Variants in HPRT1 observed in about 807,000 individuals in gnomAD.
HPRT1 encodes the protein hypoxanthine-guanine phosphoribosyltransferase.
A neutral mutation model predicts 19.0 loss-of-function variants in HPRT1; 4 were observed. The ratio of observed to expected loss-of-function variants is 0.21; its 90% CI spans 0.10 to 0.48. The LOEUF (loss-of-function observed/expected upper bound fraction) is 0.48. HPRT1 is among the 20% of genes least tolerant of loss of function. HPRT1 has a pLI of 0.98. For synonymous variants in HPRT1, 53 were observed against 54.9 expected (o/e 0.97, Z 0.15); for missense variants, 65 against 164.0 (o/e 0.40, Z 3.30).
intron 3 of HPRT1, among the ~76,000 whole-genome samples, chrX:134,483,839 G>A (rs1378427535): frequency 1.8e-5 from 2 of 111,651 alleles, no homozygotes; most frequent in African/African-American, 6.5e-5. Flanking sequence ...TTCTTTATTA[G>A]CTTCCATGGT....
At chrX:134,461,915 A>G (rs2077585203) in intron 1 of HPRT1, among the ~76,000 whole-genome samples, 1 of 112,189 alleles carries the variant, frequency 8.9e-6, no homozygotes, top group Admixed American at 9.4e-5. Flanking sequence ...GTTTTTATTC[A>G]GTTGCTGAGG....
At chrX:134,475,732 A>G (rs1379791018) in intron 3 of HPRT1, among the ~76,000 whole-genome samples, 1 of 111,640 alleles carries the variant, frequency 9.0e-6, no homozygotes, top group Non-Finnish European at 1.9e-5. Flanking sequence ...GTGGGTTAAC[A>G]CTTGTTTCCT....
rs1044930098 is a variant in HPRT1 at position 134,460,332 on chromosome X, C to A, written c.21C>A (p.Gly7=). 9 of 1,124,829 alleles carry A rather than the reference C, an allele frequency of 8.0e-6. 1 individual carries two copies. The African/African-American group carries it at 1.7e-4, about 21-fold the overall frequency. The allele number at this position is 1,124,829 out of a possible 1,213,427, so 92.7% of individuals were successfully genotyped here. A position where few individuals can be genotyped will look rare whatever the true frequency, so the allele number is the denominator to read the frequency against. MATRSP[G]VVISDDEPGY... Reference sequence around the variant, plus strand: ...CCGTTATGGCGACCCGCAGCCCTGGCGTCGTGGTGAGCAGCTCGGCCTGCC... The same window carrying A: ...CCGTTATGGCGACCCGCAGCCCTGGAGTCGTGGTGAGCAGCTCGGCCTGCC... Residue 7 remains glycine, a synonymous_variant, in exon 1 of 9, where the codon GGC becomes GGA. Coordinates refer to ENST00000298556, the MANE Select transcript of HPRT1 (RefSeq NM_000194.3).
At chrX:134,465,195 A>G (rs2077593920) in intron 1 of HPRT1, among the ~76,000 whole-genome samples, 2 of 109,162 alleles carry the variant, frequency 1.8e-5, no homozygotes, top group Non-Finnish European at 3.8e-5. Flanking sequence ...GAGCCACCGC[A>G]TCTGGCCAAC....
intron 1 of HPRT1, among the ~76,000 whole-genome samples, chrX:134,464,237 A>G (rs898854520): frequency 3.6e-5 from 4 of 112,243 alleles, no homozygotes; most frequent in African/African-American, 1.3e-4. Flanking sequence ...CAAGTTATAT[A>G]TGTAGTTTAT....
chrX:134,486,464 G>A lies in HPRT1; in HGVS notation c.319-1G>A. The stretch of plus-strand genomic sequence containing the variant: ...ATATAGTTTTTTTTTTTTTTAACTA[G>A]AATGACCAGTCAACAGGGGACATAA... On this transcript the variant is annotated splice_acceptor_variant, in intron 3 of 8. Coordinates refer to ENST00000298556, the MANE Select transcript of HPRT1 (RefSeq NM_000194.3). LOFTEE classifies it high-confidence loss of function. The A allele has an allele frequency of 9.9e-7, 1 of 1,011,155 alleles. No homozygotes were observed. The highest frequency in any genetic ancestry group is 1.4e-6 in the Non-Finnish European group (1 of 739,274). The allele number at this position is 1,011,155 out of a possible 1,213,427, so 83.3% of individuals were successfully genotyped here. A position where few individuals can be genotyped will look rare whatever the true frequency, so the allele number is the denominator to read the frequency against.
At chrX:134,475,577 T>C (rs1406507527) in intron 3 of HPRT1, among the ~76,000 whole-genome samples, 11 of 111,525 alleles carry the variant, frequency 9.9e-5, no homozygotes, top group Non-Finnish European at 1.9e-4. Context: ...GTGTGTGTGG[T>C]TTTTTAAATA....
chrX:134,479,213 AAAG>A (rs1314176741), intron 3 of HPRT1, among the ~76,000 whole-genome samples: 1 of 112,258 alleles, frequency 8.9e-6, no homozygotes, highest in Non-Finnish European at 1.9e-5. Flanking sequence ...AAGTAAATAA[AAAG>A]AAGGTTAAGT....
At chrX:134,463,693 C>G (rs1293423215) in intron 1 of HPRT1, among the ~76,000 whole-genome samples, 8 of 111,854 alleles carry the variant, frequency 7.2e-5, no homozygotes. Flanking sequence ...TTTTAGTTTT[C>G]TGCAGTTCAT....
intron 6 of HPRT1, 106 bp from the exon 7 acceptor site, chrX:134,498,284 C>T (rs111845471): frequency 4.5e-6 from 3 of 659,634 alleles, no homozygotes; most frequent in African/African-American, 2.1e-5. Flanking sequence ...GACCATGGTA[C>T]ACTCAGCACG....
intron 6 of HPRT1, among the ~76,000 whole-genome samples, chrX:134,495,197 GAAAAAA>G (rs56037049): frequency 1.5e-5 from 1 of 67,557 alleles, no homozygotes; most frequent in African/African-American, 5.3e-5. Flanking sequence ...CCCTGTCTCA[GAAAAAA>G]AAAAAAAAAA....
intron 4 of HPRT1, chrX:134,486,815 CT>C (rs2077654750): frequency 2.9e-5 from 6 of 208,519 alleles, no homozygotes; most frequent in Admixed American, 6.6e-5. Flanking sequence ...AAAAGATAGC[CT>C]TTAAAAAAAA....
chrX:134,476,716 A>G (rs2077625965), intron 3 of HPRT1, among the ~76,000 whole-genome samples: 1 of 112,069 alleles, frequency 8.9e-6, no homozygotes, highest in Non-Finnish European at 1.9e-5. Context: ...AGATAAGCAA[A>G]AACGAGCAAA....
chrX:134,467,839 T>C (rs2077600876), intron 1 of HPRT1, among the ~76,000 whole-genome samples: 1 of 100,860 alleles, frequency 9.9e-6, no homozygotes, highest in African/African-American at 3.7e-5. Context: ...GGAGTCTCGC[T>C]CTGTCACTCA....
At chrX:134,476,215 C>A (rs1441252949) in intron 3 of HPRT1, among the ~76,000 whole-genome samples, 1 of 111,894 alleles carries the variant, frequency 8.9e-6, no homozygotes, top group East Asian at 2.8e-4. Flanking sequence ...CTATCAACCT[C>A]ATCCTCTCCA....
chrX:134,487,858 G>C (rs756365585), intron 4 of HPRT1, among the ~76,000 whole-genome samples: 1 of 111,395 alleles, frequency 9.0e-6, no homozygotes, highest in Non-Finnish European at 1.9e-5. Flanking sequence ...TTTAGAAGCT[G>C]TTGAAGCCAT....
At chrX:134,460,624 C>T (rs1029603538) in intron 1 of HPRT1, 11 of 181,220 alleles carry the variant, frequency 6.1e-5, no homozygotes, top group Non-Finnish European at 1.1e-4. Flanking sequence ...CATGTGCCGC[C>T]TGCGAGCGTG....
At chrX:134,485,559 ATCAT>A (rs1358903361) in intron 3 of HPRT1, among the ~76,000 whole-genome samples, 2 of 112,175 alleles carry the variant, frequency 1.8e-5, no homozygotes, top group African/African-American at 6.5e-5. Context: ...TTGGCCAAAC[ATCAT>A]TTATTGAATA....
intron 1 of HPRT1, among the ~76,000 whole-genome samples, chrX:134,465,481 TA>T (rs779676418): frequency 4.5e-5 from 5 of 111,756 alleles, no homozygotes; most frequent in African/African-American, 1.3e-4. Flanking sequence ...TTTTAAAAAT[TA>T]AAAAAAATTA....
Sources: gnomAD v4.1 joint callset for allele counts (sites outside exome capture counted in the v4.1 genomes callset) on GRCh38, gnomAD v4.1.1 for gene constraint, MANE v1.5 for transcripts, NCBI Gene and HGNC (gene_info 2026-07-23, HGNC 2026-07-21) for gene names.